GNB1: variants seen among roughly 807,000 people sequenced by gnomAD.
The protein encoded by GNB1 is guanine nucleotide-binding protein G(I)/G(S)/G(T) subunit beta-1.
In GNB1, 2 loss-of-function variants were observed where a neutral mutation model predicts 42.9. The observed-to-expected ratio is 0.05, with a 90% CI of 0.02 to 0.15. The LOEUF (loss-of-function observed/expected upper bound fraction) is 0.15, where lower values mean the gene tolerates loss of function less well. Ranked by LOEUF, GNB1 falls within the 10% of genes least tolerant of loss-of-function variation. GNB1 has a pLI of 1.00. For synonymous variants in GNB1, 183 were observed against 174.7 expected, an observed-to-expected ratio of 1.05 and a Z score of -0.38; for missense variants, 193 against 462.2, an observed-to-expected ratio of 0.42 and a Z score of 5.34.
intron 1 of GNB1, among the ~76,000 whole-genome samples, chr1:1,885,810 G>A (rs1255573511): frequency 2.0e-5 from 3 of 149,576 alleles, no homozygotes; most frequent in Non-Finnish European, 4.4e-5. Flanking sequence ...CGCCCACGTC[G>A]GCCTCCCAAA....
chr1:1,810,011 T>C (rs539123999), intron 5 of GNB1, among the ~76,000 whole-genome samples: 35 of 151,822 alleles, frequency 2.3e-4, no homozygotes, highest in Admixed American at 5.3e-4. Flanking sequence ...GATAAGAGGA[T>C]TGGTTAAGTC....
chr1:1,788,129 G>A (rs1354777480), intron 10 of GNB1: 1 of 152,088 alleles, frequency 6.6e-6, no homozygotes, highest in Non-Finnish European at 1.5e-5. Context: ...GTGATCCCTA[G>A]AGCCCAGCAC....
chr1:1,866,780 C>A (rs1024894546), intron 1 of GNB1, among the ~76,000 whole-genome samples: 1 of 151,526 alleles, frequency 6.6e-6, no homozygotes, highest in African/African-American at 2.4e-5. Context: ...CGGTGAAACC[C>A]CGTTTCTACT....
In GNB1 at chr1:1,796,473, T is replaced by C. The variant is rs935500287; in HGVS notation, c.431-3162A>G. On this transcript the variant is annotated intron_variant, in intron 7 of 11. Transcript: ENST00000378609. ...TCTTTTAGAAGTCCCAGCCTCCCCA[T>C]GTAACTGGGGAACTGATGGGAGGAG... Among the ~76,000 whole-genome samples the C allele has an allele frequency of 2.6e-5, 4 of 152,328 alleles. No homozygotes were observed. The East Asian group carries it at 7.7e-4, about 29-fold the overall frequency.
At chr1:1,870,766 C>A (rs75970645) in intron 1 of GNB1, among the ~76,000 whole-genome samples, 1 of 152,120 alleles carries the variant, frequency 6.6e-6, no homozygotes, top group South Asian at 2.1e-4. Context: ...GAAACCCCAC[C>A]TCTACTAAAA....
intron 1 of GNB1, among the ~76,000 whole-genome samples, chr1:1,849,670 G>A (rs960427817): frequency 1.3e-5 from 2 of 152,052 alleles, no homozygotes; most frequent in Non-Finnish European, 1.5e-5. Flanking sequence ...CAAAGTGCTG[G>A]GATTACAGGT....
chr1:1,887,043 G>C (rs1232713824), intron 1 of GNB1, among the ~76,000 whole-genome samples: 2 of 152,150 alleles, frequency 1.3e-5, no homozygotes, highest in Non-Finnish European at 2.9e-5. Flanking sequence ...AAAAATTTTT[G>C]TTCCATGTCT....
intron 1 of GNB1, among the ~76,000 whole-genome samples, chr1:1,847,205 C>CT (rs1260458643): frequency 6.6e-6 from 1 of 152,144 alleles, no homozygotes; most frequent in Non-Finnish European, 1.5e-5. Flanking sequence ...CAGGACTGCT[C>CT]TTATCTACAA....
chr1:1,785,940 G>T lies in GNB1; in HGVS notation c.*1123C>A, dbSNP rs573903747. 1 of 398,872 alleles carries T rather than the reference G, an allele frequency of 2.5e-6. No individual in the cohort carries two copies. 24.7% of individuals were successfully genotyped at this position (398,872 alleles called of 1,614,324 possible). A position where few individuals can be genotyped will look rare whatever the true frequency, so the allele number is the denominator to read the frequency against. On this transcript the variant is annotated 3_prime_UTR_variant, in exon 12 of 12. Coordinates refer to ENST00000378609, the MANE Select transcript of GNB1 (RefSeq NM_002074.5). ...GGACAGAGCCGCAATGGTTACAACTGTAAGAGGTTATTTCTTAAAAGAAAA... is the reference window on the plus strand; with the variant it reads ...GGACAGAGCCGCAATGGTTACAACTTTAAGAGGTTATTTCTTAAAAGAAAA...
At chr1:1,890,699 C>G (rs1296248406) in intron 1 of GNB1, 121 bp downstream of exon 1, 1 of 148,278 alleles carries the variant, frequency 6.7e-6, no homozygotes, top group Admixed American at 6.7e-5. Flanking sequence ...CCGCCGCACC[C>G]GGGCGGGGCA....
intron 3 of GNB1, among the ~76,000 whole-genome samples, chr1:1,818,964 T>C (rs1177125626): frequency 1.3e-5 from 2 of 152,170 alleles, no homozygotes; most frequent in Non-Finnish European, 1.5e-5. Flanking sequence ...GACAATCAGA[T>C]GTACATGAGC....
At chr1:1,801,592 C>A (rs1031465182) in intron 7 of GNB1, among the ~76,000 whole-genome samples, 1 of 152,098 alleles carries the variant, frequency 6.6e-6, no homozygotes, top group Non-Finnish European at 1.5e-5. Context: ...ACCACTAAGA[C>A]ATCAGGCAAA....
chr1:1,825,108 G>A (rs992553931), intron 3 of GNB1: 2 of 315,378 alleles, frequency 6.3e-6, no homozygotes, highest in South Asian at 1.0e-4. Flanking sequence ...GTGGCCCAGG[G>A]TATCACAAAT....
Position 1,856,671 on chromosome 1 carries a change from C to T in GNB1, c.-95-17433G>A, listed in dbSNP as rs554621192. The stretch of plus-strand genomic sequence containing the variant: ...TCCATCTCTTCACCTTGTGATCCGC[C>T]CGCCTTGGCCTCCCAAAGTGCTGGG... On this transcript the variant is annotated intron_variant, in intron 1 of 11. Coordinates refer to ENST00000378609, the MANE Select transcript of GNB1 (RefSeq NM_002074.5). Among the ~76,000 whole-genome samples the T allele has an allele frequency of 1.7e-3, 265 of 152,246 alleles. 1 individual carries two copies. The highest frequency in any genetic ancestry group is 6.1e-3 in the African/African-American group (254 of 41,544).
chr1:1,853,375 G>A (rs954042660), intron 1 of GNB1, among the ~76,000 whole-genome samples: 1 of 152,148 alleles, frequency 6.6e-6, no homozygotes, highest in African/African-American at 2.4e-5. Context: ...CTCCTCCCCA[G>A]GGAGTCAAGT....
At chr1:1,832,613 A>G (rs1647092153) in intron 2 of GNB1, among the ~76,000 whole-genome samples, 1 of 152,230 alleles carries the variant, frequency 6.6e-6, no homozygotes, top group African/African-American at 2.4e-5. Context: ...TTGCAATGCA[A>G]TGTGCTCCGT....
intron 1 of GNB1, among the ~76,000 whole-genome samples, chr1:1,855,184 G>T (rs1285144737): frequency 2.0e-5 from 3 of 150,432 alleles, no homozygotes; most frequent in Non-Finnish European, 4.4e-5. Flanking sequence ...AGCTGAGTGT[G>T]GTGGTGGATA....
intron 9 of GNB1, 46 bp from the exon 10 acceptor site, chr1:1,789,315 G>T (rs1646449427): frequency 1.9e-6 from 2 of 1,061,900 alleles, no homozygotes; most frequent in Non-Finnish European, 2.9e-6. Context: ...CGCTCAGAAA[G>T]AAACATTGGG....
rs553837236 is a variant in GNB1, at chr1:1,796,405, C to T, written c.431-3094G>A. Among the ~76,000 whole-genome samples, 4 of 152,348 alleles carry T rather than the reference C, an allele frequency of 2.6e-5. No homozygotes were observed. The South Asian group carries it at 6.2e-4, about 24-fold the overall frequency. ...TGAAATCAGAAATACCTGGGCTCCA[C>T]TGTCAGCATGGCAGCTGAGGAAGAG... On this transcript the variant is annotated intron_variant, in intron 7 of 11. Transcript: ENST00000378609.
Sources: gnomAD v4.1 joint callset for allele counts (sites outside exome capture counted in the v4.1 genomes callset) on GRCh38, gnomAD v4.1.1 for gene constraint, MANE v1.5 for transcripts, NCBI Gene and HGNC (gene_info 2026-07-23, HGNC 2026-07-21) for gene names.